PMIS2: variants seen among roughly 807,000 people sequenced by gnomAD.
PMIS2 encodes PMIS2 transmembrane protein, also known as transmembrane protein PMIS2.
chr19:35,586,573 C>CTTTTTTTTT (rs58198918), intron 1 of PMIS2, 32 bp downstream of exon 1: 2 of 325,084 alleles, frequency 6.2e-6, no homozygotes. Flanking sequence ...AGCCCCCGTC[C>CTTTTTTTTT]TTTTTTTTTT....
chr19:35,586,430 A>G, exon 1 of PMIS2: 1 of 398,824 alleles, frequency 2.5e-6, no homozygotes, highest in Non-Finnish European at 4.4e-6. Context: ...AAGAGCCTAC[A>G]CAGACACCAG....
chr19:35,586,684 A>G (rs1046639646), intron 1 of PMIS2, 143 bp downstream of exon 1: 3 of 394,416 alleles, frequency 7.6e-6, no homozygotes, highest in Admixed American at 8.9e-5. Flanking sequence ...GGTTCCAGCA[A>G]TTCTCCTGCC....
At chr19:35,587,149 A>T (rs2071783124) in exon 2 of PMIS2, 1 of 398,490 alleles carries the variant, frequency 2.5e-6, no homozygotes, top group Admixed American at 4.4e-5. Context: ...TATATTAATG[A>T]AGTCTAGGCA....
chr19:35,587,239 C>G, downstream of PMIS2: 4 of 397,300 alleles, frequency 1.0e-5, no homozygotes, highest in Non-Finnish European at 1.8e-5. Flanking sequence ...GCAAGAAATT[C>G]AACCGCTGAG....
downstream of PMIS2, chr19:35,587,222 C>T: frequency 2.5e-6 from 1 of 397,746 alleles, no homozygotes; most frequent in Non-Finnish European, 4.4e-6. Context: ...GCCAAGTCAG[C>T]CATCAGGCAA....
exon 1 of PMIS2, chr19:35,586,283 C>T: frequency 2.5e-6 from 1 of 399,110 alleles, no homozygotes; most frequent in Non-Finnish European, 4.4e-6. Context: ...CACCTTCTGC[C>T]ACCCAGCCTG....
chr19:35,586,800 G>A (rs1324996790), intron 1 of PMIS2, among the ~76,000 whole-genome samples, 176 bp from the exon 2 acceptor site: 3 of 151,944 alleles, frequency 2.0e-5, no homozygotes, highest in Non-Finnish European at 2.9e-5. Flanking sequence ...GGCTGGTCTC[G>A]AGCTTCTGAC....
At chr19:35,586,592 CT>C in intron 1 of PMIS2, 51 bp downstream of exon 1, 1 of 203,348 alleles carries the variant, frequency 4.9e-6, no homozygotes, top group East Asian at 6.4e-5. Flanking sequence ...TTTTTTTTTT[CT>C]TTTTGAGACC....
At position 35,586,553 on chromosome 19, in the gene PMIS2, C is replaced by G. The variant is rs1225093878; in HGVS notation, c.282+12C>G. The G allele has an allele frequency of 1.5e-5, 6 of 397,712 alleles. No homozygotes were observed. Among genetic ancestry groups the G allele is most frequent in the Non-Finnish European group, 2.7e-5 (6 of 226,018 alleles). 24.6% of individuals were successfully genotyped at this position (397,712 alleles called of 1,614,324 possible). ...ACTTCTCTTATGAGGTAAAATAATG[C>G]CCAAGTCATAGCCCCCGTCCTTTTT... On this transcript the variant is annotated intron_variant, in intron 1 of 1. Transcript: ENST00000646476.
At chr19:35,587,039 A>G in exon 2 of PMIS2, 1 of 398,664 alleles carries the variant, frequency 2.5e-6, no homozygotes, top group East Asian at 3.6e-5. Context: ...GGCCAACCAG[A>G]ACAGTGAATG....
chr19:35,586,573 C>CT (rs58198918), intron 1 of PMIS2, 32 bp downstream of exon 1: 9,801 of 361,904 alleles, frequency 0.027, no homozygotes, highest in East Asian at 0.037. Context: ...AGCCCCCGTC[C>CT]TTTTTTTTTT....
chr19:35,587,231 A>C (rs1286403308), downstream of PMIS2: 3 of 397,602 alleles, frequency 7.5e-6, no homozygotes, highest in Non-Finnish European at 1.3e-5. Context: ...GCCATCAGGC[A>C]AGAAATTCAA....
At chr19:35,586,540 A>T (rs941372991) in exon 1 of PMIS2, 27 of 395,246 alleles carry the variant, frequency 6.8e-5, no homozygotes, top group African/African-American at 5.6e-4. Context: ...TTCTCTTATG[A>T]GGTAAAATAA....
chr19:35,587,106 T>A (rs981425080), exon 2 of PMIS2: 8 of 398,506 alleles, frequency 2.0e-5, no homozygotes. Context: ...TTCGTGGTAA[T>A]GATTGGCTTA....
At chr19:35,586,390 G>T in exon 1 of PMIS2, 1 of 398,896 alleles carries the variant, frequency 2.5e-6, no homozygotes, top group East Asian at 3.6e-5. Context: ...GGTGGTCCAG[G>T]TGCCCCAGCT....
At chr19:35,586,458 G>A (rs376843273) in exon 1 of PMIS2, 13 of 398,308 alleles carry the variant, frequency 3.3e-5, no homozygotes, top group African/African-American at 4.1e-5. Flanking sequence ...AGCATTTTAC[G>A]CCCCAAACTA....
chr19:35,586,649 G>T lies in PMIS2; in HGVS notation c.282+108G>T, dbSNP rs180785734. On this transcript the variant is annotated intron_variant, in intron 1 of 1. Coordinates refer to ENST00000646476, the Ensembl canonical transcript of PMIS2. ...GGCTGGAGTGCAGTGGTGCAATCTC[G>T]GCTCACTGCAATCTCTGCCTTCCCG... 2.0e-3 allele frequency: 770 copies of T among 391,978 alleles called. 1 individual carries two copies. The highest frequency in any genetic ancestry group is 2.9e-3 in the Non-Finnish European group (648 of 224,644). 24.3% of individuals were successfully genotyped at this position (391,978 alleles called of 1,614,324 possible).
At chr19:35,586,604 C>G in intron 1 of PMIS2, 63 bp downstream of exon 1, 1 of 391,144 alleles carries the variant, frequency 2.6e-6, no homozygotes, top group East Asian at 3.6e-5. Flanking sequence ...TTTTGAGACC[C>G]AGTCTCACTC....
At chr19:35,587,079 C>G (rs1397073659) in exon 2 of PMIS2, 1 of 398,638 alleles carries the variant, frequency 2.5e-6, no homozygotes, top group African/African-American at 2.1e-5. Context: ...TCAGGCCGAA[C>G]TGGTTGGTTC....
Sources: gnomAD v4.1 joint callset for allele counts (sites outside exome capture counted in the v4.1 genomes callset) on GRCh38, gnomAD v4.1.1 for gene constraint, MANE v1.5 for transcripts, NCBI Gene and HGNC (gene_info 2026-07-23, HGNC 2026-07-21) for gene names.